Variants in JADE3 observed in about 807,000 individuals in gnomAD.
JADE3 encodes the protein protein Jade-3.
A neutral mutation model predicts 50.1 loss-of-function variants in JADE3; 2 were observed. The ratio of observed to expected loss-of-function variants is 0.04; its 90% CI spans 0.02 to 0.13. JADE3 has a LOEUF of 0.13. Ranked by LOEUF, JADE3 falls within the 10% of genes least tolerant of loss-of-function variation. The pLI is 1.00. For missense variants in JADE3, 475 were observed against 634.4 expected, an observed-to-expected ratio of 0.75 and a Z score of 2.70; for synonymous variants, 218 against 232.9, an observed-to-expected ratio of 0.94 and a Z score of 0.58.
chrX:47,022,658 A>G (rs1330334720), intron 4 of JADE3, among the ~76,000 whole-genome samples: 1 of 111,918 alleles, frequency 8.9e-6, no homozygotes, highest in African/African-American at 3.2e-5. Context: ...TTATTTTATG[A>G]TGACATACGT....
At chrX:47,048,461 T>G (rs1424032341) in intron 8 of JADE3, among the ~76,000 whole-genome samples, 1 of 112,107 alleles carries the variant, frequency 8.9e-6, no homozygotes, top group Non-Finnish European at 1.9e-5. Context: ...GTCCATCAAC[T>G]CGATGAAATG....
At chrX:47,034,930 T>A (rs1556367567) in intron 7 of JADE3, among the ~76,000 whole-genome samples, 2 of 110,808 alleles carry the variant, frequency 1.8e-5, no homozygotes, top group African/African-American at 3.3e-5. Context: ...CTTTACTTTT[T>A]GAAGCTCTTT....
chrX:46,963,828 A>T (rs782096205), intron 1 of JADE3, among the ~76,000 whole-genome samples: 7 of 111,878 alleles, frequency 6.3e-5, no homozygotes, highest in African/African-American at 2.3e-4. Flanking sequence ...CTGGCACACC[A>T]TCACCTCATA....
intron 1 of JADE3, among the ~76,000 whole-genome samples, chrX:46,915,862 G>C (rs1926072654): frequency 9.0e-6 from 1 of 111,495 alleles, no homozygotes; most frequent in Non-Finnish European, 1.9e-5. Context: ...AAAGGACCTG[G>C]TGTGAGGAAA....
At chrX:46,982,970 A>G (rs1927788477) in intron 1 of JADE3, among the ~76,000 whole-genome samples, 1 of 111,349 alleles carries the variant, frequency 9.0e-6, no homozygotes, top group Admixed American at 9.5e-5. Context: ...CTGAGATTAC[A>G]GGCGCCTGCC....
intron 5 of JADE3, 41 bp downstream of exon 5, chrX:47,024,955 G>GTT (rs200351831): frequency 3.4e-5 from 24 of 714,911 alleles, no homozygotes; most frequent in Admixed American, 1.0e-4. Context: ...CTTAATTCAT[G>GTT]TTTTTTTTTT....
chrX:46,970,293 T>C (rs1227418393), intron 1 of JADE3, among the ~76,000 whole-genome samples: 1 of 112,580 alleles, frequency 8.9e-6, no homozygotes, highest in Non-Finnish European at 1.9e-5. Context: ...CCTCATTTTT[T>C]GTTGCCTTCA....
chrX:47,032,370 C>T (rs1203563509), intron 6 of JADE3, among the ~76,000 whole-genome samples: 1 of 111,313 alleles, frequency 9.0e-6, no homozygotes, highest in Non-Finnish European at 1.9e-5. Flanking sequence ...AGCTTGTTGG[C>T]TTTATAAAAC....
chrX:46,941,322 G>A (rs1926752052), intron 1 of JADE3, among the ~76,000 whole-genome samples: 1 of 111,764 alleles, frequency 8.9e-6, no homozygotes. Flanking sequence ...CTCCTAGGTT[G>A]ATACCGTGTC....
chrX:46,952,776 T>A (rs1556345518), intron 1 of JADE3, among the ~76,000 whole-genome samples: 1 of 111,672 alleles, frequency 9.0e-6, no homozygotes, highest in African/African-American at 3.3e-5. Flanking sequence ...GGCGTATGGA[T>A]CACGTGAGGT....
chrX:47,040,379 G>T (rs1456777934), intron 8 of JADE3, among the ~76,000 whole-genome samples: 2 of 111,627 alleles, frequency 1.8e-5, no homozygotes, highest in Admixed American at 9.5e-5. Flanking sequence ...ATCAGCAGTG[G>T]CATTAGATTC....
intron 2 of JADE3, among the ~76,000 whole-genome samples, 164 bp from the exon 3 acceptor site, chrX:46,985,549 T>C (rs1927842730): frequency 8.9e-6 from 1 of 112,363 alleles, no homozygotes; most frequent in Admixed American, 9.4e-5. Context: ...AACTCCATTA[T>C]GAGGCACTCT....
intron 1 of JADE3, among the ~76,000 whole-genome samples, chrX:46,942,921 C>T (rs1381077257): frequency 9.0e-6 from 1 of 111,569 alleles, no homozygotes; most frequent in African/African-American, 3.3e-5. Flanking sequence ...CTTTAACCTC[C>T]TTGGTTAGAT....
intron 3 of JADE3, among the ~76,000 whole-genome samples, chrX:46,989,547 T>G (rs1927937891): frequency 9.0e-6 from 1 of 111,580 alleles, no homozygotes. Context: ...GCCTCCATGG[T>G]CTCTGATGAG....
In JADE3 at chrX:47,059,043, C is replaced by G. The variant is rs781850984; in HGVS notation, c.2438C>G (p.Thr813Arg). The G allele has an allele frequency of 7.5e-6, 9 of 1,200,997 alleles. No homozygotes were observed. The highest frequency in any genetic ancestry group is 1.0e-5 in the Non-Finnish European group (9 of 892,800). ...CGGGATTGCCATGGTAAAAGCAAGACACATCCCCTTTCCCACAGTTCAATG... is the reference window on the plus strand; with the variant it reads ...CGGGATTGCCATGGTAAAAGCAAGAGACATCCCCTTTCCCACAGTTCAATG... ...SRRDCHGKSKTHPLSHSSMQR is the reference protein window; with the variant it reads ...SRRDCHGKSKRHPLSHSSMQR Residue 813 changes from threonine to arginine, a missense_variant, in exon 11 of 11, where the codon ACA (threonine) becomes AGA (arginine). Thr to Arg is a moderately conservative substitution (Grantham distance 71). Coordinates refer to ENST00000614628, the MANE Select transcript of JADE3 (RefSeq NM_014735.5).
intron 1 of JADE3, among the ~76,000 whole-genome samples, chrX:46,921,289 G>A (rs1260359734): frequency 2.7e-5 from 3 of 111,883 alleles, no homozygotes; most frequent in African/African-American, 6.5e-5. Flanking sequence ...TATGTTCCCC[G>A]GGCTGGTCTT....
chrX:46,924,274 A>G (rs1556338412), intron 1 of JADE3, among the ~76,000 whole-genome samples: 1 of 111,567 alleles, frequency 9.0e-6, no homozygotes, highest in Non-Finnish European at 1.9e-5. Flanking sequence ...ACCTCTTACA[A>G]GCTTCACACT....
At chrX:47,024,566 C>T (rs782621235) in intron 4 of JADE3, among the ~76,000 whole-genome samples, 158 bp from the exon 5 acceptor site, 1 of 112,127 alleles carries the variant, frequency 8.9e-6, no homozygotes, top group Non-Finnish European at 1.9e-5. Context: ...TGTAAGCAGT[C>T]AGTGAGTTAA....
intron 1 of JADE3, among the ~76,000 whole-genome samples, chrX:46,946,130 AG>A (rs782233299): frequency 8.9e-6 from 1 of 112,319 alleles, no homozygotes; most frequent in South Asian, 3.7e-4. Context: ...AAATGAAAAT[AG>A]GTAGTAGCCA....
Sources: gnomAD v4.1 joint callset for allele counts (sites outside exome capture counted in the v4.1 genomes callset) on GRCh38, gnomAD v4.1.1 for gene constraint, MANE v1.5 for transcripts, NCBI Gene and HGNC (gene_info 2026-07-23, HGNC 2026-07-21) for gene names.